The following ARHGAP26 variants were observed in gnomAD, a reference collection of about 807,000 sequenced individuals.
ARHGAP26 encodes the protein Rho GTPase activating protein 26.
In ARHGAP26, 38 loss-of-function variants were observed where a neutral mutation model predicts 104.8. That is an observed-to-expected ratio of 0.36 (90% CI 0.28 to 0.48). The LOEUF (loss-of-function observed/expected upper bound fraction) is 0.48, where lower values mean the gene tolerates loss of function less well. Among genes scored for constraint, ARHGAP26 ranks in the 20% least tolerant of loss-of-function variants. ARHGAP26 has a pLI of 0.99. For synonymous variants in ARHGAP26, 341 were observed against 340.0 expected (o/e 1.00, Z -0.03); for missense variants, 704 against 947.9 (o/e 0.74, Z 3.38).
intron 1 of ARHGAP26, among the ~76,000 whole-genome samples, chr5:142,779,279 G>A (rs1005303437): frequency 6.6e-6 from 1 of 152,184 alleles, no homozygotes; most frequent in African/African-American, 2.4e-5. Context: ...AAACAGCTTG[G>A]CAGTGTGGGC....
intron 1 of ARHGAP26, among the ~76,000 whole-genome samples, chr5:142,821,025 A>G (rs1766058549): frequency 6.6e-6 from 1 of 152,236 alleles, no homozygotes; most frequent in Admixed American, 6.5e-5. Context: ...AGCAGACAGG[A>G]TGCCAGGAAT....
chr5:142,913,482 A>G (rs1423149007), intron 10 of ARHGAP26, among the ~76,000 whole-genome samples, 189 bp downstream of exon 10: 1 of 142,752 alleles, frequency 7.0e-6, no homozygotes. Flanking sequence ...GATCCAGGCT[A>G]TTGCTGATTT....
chr5:143,151,400 A>G (rs1320623058), intron 20 of ARHGAP26, among the ~76,000 whole-genome samples: 1 of 152,174 alleles, frequency 6.6e-6, no homozygotes, highest in African/African-American at 2.4e-5. Context: ...TAAGCATACA[A>G]TCCAGCAATC....
At chr5:143,189,150 C>T (rs7727174) in intron 20 of ARHGAP26, among the ~76,000 whole-genome samples, 15,254 of 152,212 alleles carry the variant, frequency 0.1, 2,595 homozygotes, top group African/African-American at 0.35. Context: ...CAATGTTTAC[C>T]ACTGATCTTC....
rs563783172 is a variant in ARHGAP26 at position 143,224,579 on chromosome 5, G to A, written c.*2133G>A. The A allele has an allele frequency of 4.3e-6, 1 of 231,512 alleles. No homozygotes were observed. The highest frequency in any genetic ancestry group is 1.8e-4 in the South Asian group (1 of 5,504). 14.3% of individuals were successfully genotyped at this position (231,512 alleles called of 1,614,324 possible). A position where few individuals can be genotyped will look rare whatever the true frequency, so the allele number is the denominator to read the frequency against. ...CCAAGATATCAGGCCAGAAAGAGAT[G>A]AGTCAGTTGCTGTGCTCTTTACTTC... On this transcript the variant is annotated 3_prime_UTR_variant, in exon 23 of 23. Coordinates refer to ENST00000645722, the MANE Select transcript of ARHGAP26 (RefSeq NM_001135608.3).
intron 11 of ARHGAP26, among the ~76,000 whole-genome samples, chr5:142,951,164 A>T (rs1768327437): frequency 6.6e-6 from 1 of 152,008 alleles, no homozygotes; most frequent in Non-Finnish European, 1.5e-5. Flanking sequence ...GGTTCAAGCG[A>T]TTCTCCTGCT....
intron 1 of ARHGAP26, among the ~76,000 whole-genome samples, chr5:142,849,668 A>C (rs2152252571): frequency 6.6e-6 from 1 of 152,122 alleles, no homozygotes; most frequent in East Asian, 1.9e-4. Context: ...CACCACCCAC[A>C]TGAACATGAC....
At chr5:142,996,877 T>C (rs1776479785) in intron 11 of ARHGAP26, among the ~76,000 whole-genome samples, 1 of 151,806 alleles carries the variant, frequency 6.6e-6, no homozygotes, top group African/African-American at 2.4e-5. Flanking sequence ...GAGAGAGAGA[T>C]GAGTAAAGAG....
intron 11 of ARHGAP26, among the ~76,000 whole-genome samples, chr5:143,011,899 C>T (rs1015912327): frequency 3.3e-5 from 5 of 152,170 alleles, no homozygotes; most frequent in South Asian, 2.1e-4. Context: ...GAGTCCAAAG[C>T]GCTTGCATTG....
intron 17 of ARHGAP26, 164 bp downstream of exon 17, chr5:143,057,911 C>T (rs1247623656): frequency 1.4e-6 from 1 of 735,132 alleles, no homozygotes; most frequent in Non-Finnish European, 2.5e-6. Context: ...CAGTGGAGAA[C>T]AGCAGCAAAT....
intron 10 of ARHGAP26, 61 bp from the exon 11 acceptor site, chr5:142,931,986 C>T (rs1598293241): frequency 2.7e-6 from 4 of 1,496,050 alleles, no homozygotes; most frequent in African/African-American, 1.4e-5. Flanking sequence ...TAAGATTTGC[C>T]TTCACCAATC....
chr5:143,101,102 A>G (rs1234687589), intron 17 of ARHGAP26, among the ~76,000 whole-genome samples: 1 of 152,174 alleles, frequency 6.6e-6, no homozygotes, highest in Non-Finnish European at 1.5e-5. Flanking sequence ...CAAAAAACAA[A>G]CAAACAAACA....
intron 13 of ARHGAP26, among the ~76,000 whole-genome samples, chr5:143,040,100 C>T (rs79776789): frequency 2.5e-4 from 38 of 152,142 alleles, no homozygotes; most frequent in East Asian, 1.9e-3. Context: ...TGTAAAGTCC[C>T]GGGAAAGCAC....
chr5:143,095,240 T>G (rs1294405605), intron 17 of ARHGAP26, among the ~76,000 whole-genome samples: 1 of 151,784 alleles, frequency 6.6e-6, no homozygotes, highest in Non-Finnish European at 1.5e-5. Context: ...TAACATAAAT[T>G]AGCCATTTTA....
intron 17 of ARHGAP26, among the ~76,000 whole-genome samples, chr5:143,080,799 C>T (rs1789695234): frequency 6.6e-6 from 1 of 152,110 alleles, no homozygotes; most frequent in African/African-American, 2.4e-5. Context: ...GAGGGTGTTT[C>T]TTTTCCCAAG....
chr5:143,097,664 CA>C lies in ARHGAP26; in HGVS notation c.1539-23316del, dbSNP rs1050778447. Among the ~76,000 whole-genome samples the C allele has an allele frequency of 1.1e-4, 16 of 151,376 alleles. No individual in the cohort carries two copies. The East Asian group carries it at 2.7e-3, about 26-fold the overall frequency. On this transcript the variant is annotated intron_variant, in intron 17 of 22. Transcript: ENST00000645722. Reference sequence around the variant, plus strand: ...TGAAACCCCGTCTCTACTAAAAATACAAAAAAAATTAGCTGGATGTGGTGGC... The same window carrying C: ...TGAAACCCCGTCTCTACTAAAAATACAAAAAAATTAGCTGGATGTGGTGGC...
intron 11 of ARHGAP26, among the ~76,000 whole-genome samples, chr5:142,948,423 T>A (rs10587181): frequency 2.7e-5 from 4 of 146,566 alleles, no homozygotes; most frequent in African/African-American, 7.6e-5. Flanking sequence ...TATATATATA[T>A]AATATGTATT....
chr5:142,842,945 G>A (rs544127858), intron 1 of ARHGAP26, among the ~76,000 whole-genome samples: 2 of 152,270 alleles, frequency 1.3e-5, no homozygotes, highest in Non-Finnish European at 2.9e-5. Context: ...AATCACATCA[G>A]TTAGATCGAC....
At chr5:142,935,906 A>G (rs1765340656) in intron 11 of ARHGAP26, among the ~76,000 whole-genome samples, 1 of 152,160 alleles carries the variant, frequency 6.6e-6, no homozygotes, top group African/African-American at 2.4e-5. Context: ...TAATTAGGGT[A>G]AAAGACTGAA....
Sources: gnomAD v4.1 joint callset for allele counts (sites outside exome capture counted in the v4.1 genomes callset) on GRCh38, gnomAD v4.1.1 for gene constraint, MANE v1.5 for transcripts, NCBI Gene and HGNC (gene_info 2026-07-23, HGNC 2026-07-21) for gene names.